Variants in ZNF142 observed in about 807,000 individuals in gnomAD.
The protein encoded by ZNF142 is zinc finger protein 142 (clone pHZ-49).
A neutral mutation model predicts 132.1 loss-of-function variants in ZNF142; 96 were observed. That is an observed-to-expected ratio of 0.73 (90% CI 0.62 to 0.86). ZNF142 has a LOEUF of 0.86. Ranked by LOEUF, ZNF142 falls within the 40% of genes least tolerant of loss-of-function variation. The pLI, the probability that ZNF142 is intolerant of heterozygous loss-of-function variation, is 0.00. For missense variants in ZNF142, 2,163 were observed against 2,336.2 expected (o/e 0.93, Z 1.53); for synonymous variants, 842 against 890.1 (o/e 0.95, Z 0.96).
rs1227405941 is a variant in ZNF142, at chr2:218,650,413, G to A, written c.994C>T (p.Gln332Ter). 1 of 1,614,182 alleles carries A rather than the reference G, an allele frequency of 6.2e-7. No individual in the cohort carries two copies. ...NVEKEEKSDT[Q>*]KDSQKAVDKG... ...TCCACAGCCTTTTGGGAGTCCTTCT[G>A]GGTGTCACTCTTCTCTTCTTTCTCT... The change falls in exon 6 of 11, where the codon CAG (glutamine) becomes TAG (stop). Residue 332 changes from glutamine to a stop codon, truncating the protein, a stop_gained. Coordinates refer to ENST00000411696, the MANE Select transcript of ZNF142 (RefSeq NM_001379659.1). LOFTEE classifies it high-confidence loss of function.
At position 218,634,238 on chromosome 2, in the gene ZNF142, G is replaced by GACT; in HGVS notation, c.*4098_*4100dup. 4 of 1,601,252 alleles carry GACT rather than the reference G, an allele frequency of 2.5e-6. No individual in the cohort carries two copies. The highest frequency in any genetic ancestry group is 3.4e-6 in the Non-Finnish European group (4 of 1,173,670). ...GCCAGATGGGTGAGGAGGCAGCAGG[G>GACT]ACTGGGAAGAGGGAGTGGAGGAGCA... On this transcript the variant is annotated 3_prime_UTR_variant, in exon 11 of 11. Coordinates refer to ENST00000411696, the MANE Select transcript of ZNF142 (RefSeq NM_001379659.1). The surrounding 1 kb of genome is among the most constrained non-coding windows in gnomAD (Gnocchi z 4.0).
intron 7 of ZNF142, among the ~76,000 whole-genome samples, chr2:218,648,260 C>T (rs566551666): frequency 3.7e-4 from 56 of 152,316 alleles, no homozygotes; most frequent in East Asian, 1.2e-3. Flanking sequence ...TCCCCTCGCC[C>T]GTCTCTCTTA....
rs751300245 is a variant in ZNF142 at position 218,638,500 on chromosome 2, G to C, written c.5503C>G (p.Gln1835Glu). Residue 1835 changes from glutamine (Q) to glutamate (E), a missense_variant, in exon 11 of 11, where the codon CAG becomes GAG. By Grantham distance (29) the Gln-to-Glu change is conservative. Transcript: ENST00000411696. Reference protein sequence around the residue: ...LCNYKAKQKFQVVKHVRRHHP... With the variant: ...LCNYKAKQKFEVVKHVRRHHP... ...TGCCTGCGTACGTGCTTGACCACCT[G>C]GAACTTTTGCTTGGCCTTGTAGTTG... is the stretch of plus-strand genomic sequence containing the variant. The C allele has an allele frequency of 6.2e-7, 1 of 1,606,182 alleles. No individual in the cohort carries two copies.
Position 218,656,209 on chromosome 2 carries a change from T to TC in ZNF142, c.220dup (p.Glu74GlyfsTer33). On this transcript the variant is annotated frameshift_variant, in exon 4 of 11. Coordinates refer to ENST00000411696, the MANE Select transcript of ZNF142 (RefSeq NM_001379659.1). LOFTEE classifies it high-confidence loss of function. ...TCCAGCTACTGTCTCCACAATGATCTCCATGTTCCCTGGTCCCTCTTCAGT... is the reference window on the plus strand; with the variant it reads ...TCCAGCTACTGTCTCCACAATGATCTCCCATGTTCCCTGGTCCCTCTTCAGT... The TC allele has an allele frequency of 6.2e-7, 1 of 1,612,400 alleles. No individual in the cohort carries two copies. Among genetic ancestry groups the TC allele is most frequent in the Non-Finnish European group, 8.5e-7 (1 of 1,179,086 alleles).
chr2:218,639,235 T>A (rs2106187606), intron 10 of ZNF142, among the ~76,000 whole-genome samples: 1 of 152,320 alleles, frequency 6.6e-6, no homozygotes, highest in East Asian at 1.9e-4. Context: ...CCTCCCAAAG[T>A]GCTGGGATTA....
In ZNF142 at chr2:218,633,902, G is replaced by T. The variant is rs574737610; in HGVS notation, c.*4437C>A. 110 of 1,237,970 alleles carry T rather than the reference G, an allele frequency of 8.9e-5. 3 individuals are homozygous for T. In the South Asian group the frequency reaches 1.4e-3, roughly 16 times the overall value. The allele number at this position is 1,237,970 out of a possible 1,614,324, so 76.7% of individuals were successfully genotyped here. On this transcript the variant is annotated 3_prime_UTR_variant, in exon 11 of 11. Transcript: ENST00000411696. ...TTCAGAAACTCCTTAGAGCAGACAA[G>T]GGCAGAGGAGTTATGAATAGTGGCT...
chr2:218,643,540 G>A lies in ZNF142; in HGVS notation c.3576C>T (p.Pro1192=). The A allele has an allele frequency of 1.2e-6, 2 of 1,609,560 alleles. No homozygotes were observed. Among genetic ancestry groups the A allele is most frequent in the South Asian group, 1.1e-5 (1 of 90,698 alleles). ...GGTGGTGCTTCTTAGGGGCCTCCGTGGGTGAGGAGTTTCCTGCAGGAGGGA... is the reference window on the plus strand; with the variant it reads ...GGTGGTGCTTCTTAGGGGCCTCCGTAGGTGAGGAGTTTCCTGCAGGAGGGA... The part of the protein sequence containing the change: ...DPVPPAGNSS[P]TEAPKKHHLD... Residue 1192 remains proline (P), a synonymous_variant, in exon 9 of 11, where the codon CCC becomes CCT. Transcript: ENST00000411696.
At chr2:218,639,859 T>C (rs1396981604) in intron 10 of ZNF142, among the ~76,000 whole-genome samples, 10 of 149,972 alleles carry the variant, frequency 6.7e-5, no homozygotes, top group Non-Finnish European at 1.3e-4. Flanking sequence ...ATTGAGACCA[T>C]TCTGGCTAAC....
In ZNF142 at chr2:218,644,179, C is replaced by A; in HGVS notation, c.2937G>T (p.Trp979Cys). Residue 979 changes from tryptophan to cysteine, a missense_variant, in exon 9 of 11, where the codon TGG becomes TGT. Physicochemically the swap from Trp to Cys is radical, Grantham distance 215. This residue lies in a region of ZNF142 where 809 missense variants were observed against 801.7 expected (regional missense o/e 1.01). Coordinates refer to ENST00000411696, the MANE Select transcript of ZNF142 (RefSeq NM_001379659.1). The surrounding 1 kb of genome is among the most constrained non-coding windows in gnomAD (Gnocchi z 4.6). ...GTGGAGTTGTCTTGAAGGTTCCTACCCAGTTGTTAGGAGCCTCCTCTAAGG... is the reference window on the plus strand; with the variant it reads ...GTGGAGTTGTCTTGAAGGTTCCTACACAGTTGTTAGGAGCCTCCTCTAAGG... ...PPSLEEAPNN[W>C]VGTFKTTPPA... The A allele has an allele frequency of 6.2e-7, 1 of 1,614,030 alleles. No individual in the cohort carries two copies. Among genetic ancestry groups the A allele is most frequent in the Non-Finnish European group, 8.5e-7 (1 of 1,180,002 alleles).
intron 9 of ZNF142, among the ~76,000 whole-genome samples, chr2:218,641,665 G>A (rs1007574749): frequency 1.3e-5 from 2 of 151,904 alleles, no homozygotes; most frequent in Non-Finnish European, 1.5e-5. Context: ...TCAGCCTCCT[G>A]AGTAGCTGGG....
chr2:218,643,141 C>T lies in ZNF142; in HGVS notation c.3975G>A (p.Arg1325=). 1 of 1,614,126 alleles carries T rather than the reference C, an allele frequency of 6.2e-7. No homozygotes were observed. The highest frequency in any genetic ancestry group is 8.5e-7 in the Non-Finnish European group (1 of 1,180,008). The change falls in exon 9 of 11, where the codon CGG becomes CGA. Residue 1325 remains arginine (R), a synonymous_variant. Coordinates refer to ENST00000411696, the MANE Select transcript of ZNF142 (RefSeq NM_001379659.1). ...CTCCAGACTCCTCGAGGGGGCAGCC[C>T]CGGATCTGGTGAGTCCTCAGAGCCC... ...QERALRTHQI[R]GCPLEESGEL... is the part of the protein sequence containing the mutation.
At chr2:218,641,953 CTA>C (rs1697226769) in intron 9 of ZNF142, 73 bp downstream of exon 9, 3 of 1,526,428 alleles carry the variant, frequency 2.0e-6, no homozygotes, top group African/African-American at 1.4e-5. Flanking sequence ...GAGGAGTCAG[CTA>C]TAGAGAACCA....
rs1317736152 is a variant in ZNF142, at chr2:218,642,820, A to T, written c.4296T>A (p.Ser1432=). 6.2e-7 allele frequency: 1 copy of T among 1,614,148 alleles called. No individual in the cohort carries two copies. Among genetic ancestry groups the T allele is most frequent in the Non-Finnish European group, 8.5e-7 (1 of 1,180,006 alleles). ...AGTTGGTACCAAACGTCTGGGGGCA[A>T]GAGCTGCAGGGGATGCGGCCAATGC... The part of the protein sequence containing the change: ...HTGIGRIPCS[S]CPQTFGTNSK... Residue 1432 remains serine (S), a synonymous_variant, in exon 9 of 11, where the codon TCT becomes TCA. Coordinates refer to ENST00000411696, the MANE Select transcript of ZNF142 (RefSeq NM_001379659.1). The surrounding 1 kb of genome is among the most constrained non-coding windows in gnomAD (Gnocchi z 4.6).
In ZNF142 at chr2:218,644,127, A is replaced by G; in HGVS notation, c.2989T>C (p.Leu997=). 6.2e-7 allele frequency: 1 copy of G among 1,613,990 alleles called. No individual in the cohort carries two copies. The highest frequency in any genetic ancestry group is 1.3e-5 in the African/African-American group (1 of 74,974). Residue 997 remains leucine (L), a synonymous_variant, in exon 9 of 11, where the codon TTA becomes CTA. Transcript: ENST00000411696. The surrounding 1 kb of genome is among the most constrained non-coding windows in gnomAD (Gnocchi z 4.6). The part of the protein sequence containing the change: ...PPAETAPLPP[L]PESESLLKAL... ...TTGAGTAATGACTCTGACTCAGGTA[A>G]TGGGGGCAAGGGTGCTGTCTCAGCA...
intron 7 of ZNF142, among the ~76,000 whole-genome samples, chr2:218,646,846 TA>T (rs1697771847): frequency 6.6e-6 from 1 of 152,064 alleles, no homozygotes; most frequent in African/African-American, 2.4e-5. Flanking sequence ...CTTGGCCTCC[TA>T]AAGTGTTGGG....
rs772560003 is a variant in ZNF142 at position 218,642,260 on chromosome 2, G to GCATCCC, written c.4850_4855dup (p.Gly1617_Asp1618dup). The stretch of plus-strand genomic sequence containing the variant: ...GGGGCAGTGTAGCGGGGGCTGGCCA[G>GCATCCC]CATCCCCATCCCCATCTGAGGCTGC... On this transcript the variant is annotated inframe_insertion, in exon 9 of 11. Coordinates refer to ENST00000411696, the MANE Select transcript of ZNF142 (RefSeq NM_001379659.1). The surrounding 1 kb of genome is among the most constrained non-coding windows in gnomAD (Gnocchi z 4.6). 104 of 1,614,058 alleles carry GCATCCC rather than the reference G, an allele frequency of 6.4e-5. No homozygotes were observed. The highest frequency in any genetic ancestry group is 1.2e-4 in the Admixed American group (7 of 60,012).
Position 218,640,804 on chromosome 2 carries a change from G to GT in ZNF142, c.5089-36dup, listed in dbSNP as rs1430224533. On this transcript the variant is annotated intron_variant, in intron 9 of 10. Transcript: ENST00000411696. ...GCAAGAGCAAAAAGCAGAAAATATA[G>GT]TAAGTGCTCAATAAATGTTAGCTGT... The GT allele has an allele frequency of 4.6e-6, 7 of 1,536,234 alleles. No individual in the cohort carries two copies. In the Admixed American group the frequency reaches 1.2e-4, roughly 26 times the overall value.
intron 5 of ZNF142, 25 bp from the exon 6 acceptor site, chr2:218,650,551 A>G: frequency 6.5e-7 from 1 of 1,529,716 alleles, no homozygotes; most frequent in Non-Finnish European, 8.8e-7. Context: ...AACTTGATAA[A>G]GTCTACAGGA....
intron 4 of ZNF142, among the ~76,000 whole-genome samples, chr2:218,655,543 T>C (rs1457788377): frequency 6.6e-6 from 1 of 152,074 alleles, no homozygotes; most frequent in Non-Finnish European, 1.5e-5. Context: ...CAGTGGCTAT[T>C]CACAGGTATG....
Sources: gnomAD v4.1 joint callset for allele counts (sites outside exome capture counted in the v4.1 genomes callset) on GRCh38, gnomAD v4.1.1 for gene constraint, gnomAD v4.1.1 regional missense constraint, Gnocchi (gnomAD v3.1) non-coding constraint, MANE v1.5 for transcripts, NCBI Gene and HGNC (gene_info 2026-07-23, HGNC 2026-07-21) for gene names.